ASH1L: variants seen among roughly 807,000 people sequenced by gnomAD.
ASH1L encodes the protein ASH1 like histone lysine methyltransferase, also known as histone-lysine N-methyltransferase ASH1L.
ASH1L carries 23 observed loss-of-function variants against 269.0 expected under a neutral mutation model. That is an observed-to-expected ratio of 0.09 (90% confidence interval 0.06 to 0.12). The LOEUF (loss-of-function observed/expected upper bound fraction) is 0.12, where lower values mean the gene tolerates loss of function less well. Ranked by LOEUF, ASH1L falls within the 10% of genes least tolerant of loss-of-function variation. The probability of loss-of-function intolerance (pLI) is 1.00; values close to 1 mark genes in which losing one functional copy is unlikely to be tolerated. For synonymous variants in ASH1L, 1,187 were observed against 1,253.5 expected (o/e 0.95, Z 1.12); for missense variants, 2,912 against 3,567.8 (o/e 0.82, Z 4.68).
At chr1:155,551,400 C>T in intron 1 of ASH1L, among the ~76,000 whole-genome samples, 1 of 152,204 alleles carries the variant, frequency 6.6e-6, no homozygotes, top group East Asian at 1.9e-4. Flanking sequence ...GTGGCTCACG[C>T]CTGTAATCCC....
At chr1:155,346,153 A>G (rs1653295029) in intron 21 of ASH1L, 2 of 1,425,172 alleles carry the variant, frequency 1.4e-6, no homozygotes, top group African/African-American at 2.8e-5. Context: ...AGTTTTATAT[A>G]GTGCCATTCC....
At chr1:155,403,820 C>G (rs1041033362) in intron 6 of ASH1L, among the ~76,000 whole-genome samples, 1 of 150,826 alleles carries the variant, frequency 6.6e-6, no homozygotes, top group Non-Finnish European at 1.5e-5. Flanking sequence ...TGGAGGGCGG[C>G]GATCTATTCT....
intron 15 of ASH1L, among the ~76,000 whole-genome samples, chr1:155,355,346 G>A (rs1254598750): frequency 1.3e-5 from 2 of 152,212 alleles, no homozygotes; most frequent in Non-Finnish European, 2.9e-5. Context: ...GTGAGCCACC[G>A]TGCCTGGCCC....
intron 6 of ASH1L, among the ~76,000 whole-genome samples, chr1:155,412,258 AT>A (rs1417875919): frequency 6.6e-6 from 1 of 150,474 alleles, no homozygotes; most frequent in African/African-American, 2.5e-5. Context: ...AAAAAAAAAA[AT>A]TTAGCTGGGT....
rs182845290 is a variant in ASH1L at position 155,341,465 on chromosome 1, C to T, written c.8460+471G>A. ...TGCTGGGATTACAGGCGTGAGCCAC[C>T]GCGCCTGGCTCACAAATTTTATATA... On this transcript the variant is annotated intron_variant, in intron 25 of 27. Coordinates refer to ENST00000392403, the MANE Select transcript of ASH1L (RefSeq NM_018489.3). 1.4e-3 allele frequency among the ~76,000 whole-genome samples: 211 copies of T among 152,226 alleles called. 1 individual carries two copies. The highest frequency in any genetic ancestry group is 4.6e-3 in the African/African-American group (191 of 41,536).
intron 6 of ASH1L, among the ~76,000 whole-genome samples, chr1:155,409,304 C>T (rs1659569904): frequency 1.3e-5 from 2 of 152,048 alleles, no homozygotes; most frequent in South Asian, 2.1e-4. Flanking sequence ...GGATGAGCAA[C>T]CACACCCAGC....
intron 17 of ASH1L, among the ~76,000 whole-genome samples, chr1:155,351,442 A>C (rs1250941673): frequency 6.6e-6 from 1 of 151,908 alleles, no homozygotes; most frequent in African/African-American, 2.4e-5. Context: ...AGTCCCAGCT[A>C]CTCAGGAGGC....
intron 21 of ASH1L, 74 bp from the exon 22 acceptor site, chr1:155,344,347 T>C: frequency 8.6e-7 from 1 of 1,163,466 alleles, no homozygotes; most frequent in African/African-American, 1.5e-5. Flanking sequence ...CAACCTAGAA[T>C]TCTCAATCAA....
chr1:155,560,490 G>A (rs933986745), intron 1 of ASH1L, among the ~76,000 whole-genome samples: 5 of 152,190 alleles, frequency 3.3e-5, no homozygotes, highest in African/African-American at 1.2e-4. Flanking sequence ...ACAGGCACAT[G>A]TATTAACAAT....
rs770649782 is a variant in ASH1L, at chr1:155,370,971, A to G, written c.6345T>C (p.Ala2115=). ...VDDCLNRMIF[A]ECSPNTCPCG... is the part of the protein sequence containing the mutation. ...ATGGGCAAGTGTTGGGGGAACACTC[A>G]GCAAAGATCATTCTAGAAAAAAAAG... Residue 2115 remains alanine (A), a synonymous_variant, in exon 11 of 28, where the codon GCT becomes GCC. Transcript: ENST00000392403. 1.2e-6 allele frequency: 2 copies of G among 1,614,178 alleles called. No homozygotes were observed. The highest frequency in any genetic ancestry group is 1.7e-6 in the Non-Finnish European group (2 of 1,180,022).
At chr1:155,376,917 T>C (rs867347739) in intron 10 of ASH1L, among the ~76,000 whole-genome samples, 4 of 151,662 alleles carry the variant, frequency 2.6e-5, no homozygotes, top group East Asian at 2.0e-4. Flanking sequence ...TTCTTTTTTT[T>C]TGGGGGGGAG....
chr1:155,530,881 T>TAG (rs946469465), intron 1 of ASH1L, among the ~76,000 whole-genome samples: 61 of 152,050 alleles, frequency 4.0e-4, no homozygotes, highest in Non-Finnish European at 7.5e-4. Flanking sequence ...CACTGTACTC[T>TAG]AGCCCGGGCA....
At chr1:155,428,989 C>A (rs140159296) in intron 5 of ASH1L, among the ~76,000 whole-genome samples, 1 of 151,992 alleles carries the variant, frequency 6.6e-6, no homozygotes, top group Non-Finnish European at 1.5e-5. Flanking sequence ...AGGGTCTCCC[C>A]GACCGAGCTG....
At chr1:155,445,969 G>T (rs1335378031) in intron 4 of ASH1L, among the ~76,000 whole-genome samples, 1 of 150,242 alleles carries the variant, frequency 6.7e-6, no homozygotes, top group Non-Finnish European at 1.5e-5. Context: ...GGCCCCAAAT[G>T]ATCTTCCTGC....
intron 10 of ASH1L, among the ~76,000 whole-genome samples, chr1:155,377,349 T>G (rs1247207769): frequency 6.6e-6 from 1 of 152,200 alleles, no homozygotes; most frequent in African/African-American, 2.4e-5. Flanking sequence ...ATGCCCTTCC[T>G]CTTCACTCTC....
chr1:155,412,241 CAAAAAAAAA>C (rs556050785), intron 6 of ASH1L, among the ~76,000 whole-genome samples: 2 of 115,704 alleles, frequency 1.7e-5, no homozygotes, highest in Admixed American at 9.3e-5. Context: ...GACTCCGTCT[CAAAAAAAAA>C]AAAAAAAATT....
chr1:155,445,860 T>TTGTG (rs146021873), intron 4 of ASH1L, among the ~76,000 whole-genome samples: 1 of 151,534 alleles, frequency 6.6e-6, no homozygotes, highest in Non-Finnish European at 1.5e-5. Flanking sequence ...AGTACATAGA[T>TTGTG]TGTGTGTGTG....
chr1:155,432,401 G>A (rs961557500), intron 5 of ASH1L, among the ~76,000 whole-genome samples: 2 of 152,056 alleles, frequency 1.3e-5, no homozygotes, highest in African/African-American at 4.8e-5. Context: ...ATGAAGGTAG[G>A]AAAAGTTTCT....
chr1:155,383,331 C>T (rs1377679729), intron 7 of ASH1L, among the ~76,000 whole-genome samples: 1 of 152,216 alleles, frequency 6.6e-6, no homozygotes, highest in African/African-American at 2.4e-5. Flanking sequence ...TCACTCTCCA[C>T]TCAATCACTG....
Sources: gnomAD v4.1 joint callset for allele counts (sites outside exome capture counted in the v4.1 genomes callset) on GRCh38, gnomAD v4.1.1 for gene constraint, MANE v1.5 for transcripts, NCBI Gene and HGNC (gene_info 2026-07-23, HGNC 2026-07-21) for gene names.